Variants in EPHA6 observed in about 807,000 individuals in gnomAD.
The protein encoded by EPHA6 is ephrin type-A receptor 6.
Under a neutral mutation model 112.0 loss-of-function variants are expected in EPHA6, and 50 were observed. That is an observed-to-expected ratio of 0.45 (90% CI 0.36 to 0.56). EPHA6 has a LOEUF of 0.56. Among genes scored for constraint, EPHA6 ranks in the 20% least tolerant of loss-of-function variants. The probability of loss-of-function intolerance (pLI) is 0.00; values close to 1 mark genes in which losing one functional copy is unlikely to be tolerated. For synonymous variants in EPHA6, 529 were observed against 490.7 expected (o/e 1.08, Z -1.03); for missense variants, 1,280 against 1,417.4 (o/e 0.90, Z 1.56).
At chr3:97,485,697 A>G (rs189936864) in intron 10 of EPHA6, among the ~76,000 whole-genome samples, 142 of 152,352 alleles carry the variant, frequency 9.3e-4, no homozygotes, top group Admixed American at 1.6e-3. Flanking sequence ...CAGCAGGCAT[A>G]ATTGAGAAGA....
chr3:96,957,511 A>G (rs1001450905), intron 2 of EPHA6, among the ~76,000 whole-genome samples: 5 of 152,230 alleles, frequency 3.3e-5, no homozygotes, highest in Admixed American at 1.3e-4. Flanking sequence ...TCAGAGACTC[A>G]GAGAATCTTG....
chr3:97,442,255 A>G (rs2090161348), intron 6 of EPHA6, among the ~76,000 whole-genome samples: 1 of 152,114 alleles, frequency 6.6e-6, no homozygotes, highest in African/African-American at 2.4e-5. Flanking sequence ...GTTGGTAACT[A>G]TTCAGGAATT....
intron 3 of EPHA6, among the ~76,000 whole-genome samples, chr3:96,997,088 G>A (rs899107436): frequency 1.3e-5 from 2 of 151,990 alleles, no homozygotes; most frequent in African/African-American, 4.8e-5. Flanking sequence ...ACCAACTGCT[G>A]TTGGCTTCCA....
At chr3:96,983,323 G>T in intron 2 of EPHA6, among the ~76,000 whole-genome samples, 1 of 152,100 alleles carries the variant, frequency 6.6e-6, no homozygotes, top group East Asian at 1.9e-4. Context: ...GCTTAGTTTG[G>T]CTGGATATGA....
intron 5 of EPHA6, among the ~76,000 whole-genome samples, chr3:97,262,594 C>T (rs189834844): frequency 2.0e-5 from 3 of 152,298 alleles, no homozygotes; most frequent in Admixed American, 1.3e-4. Context: ...ATTTCTGCCA[C>T]AAGACTTTTT....
chr3:97,477,927 G>C (rs1007899120), intron 8 of EPHA6, among the ~76,000 whole-genome samples: 2 of 152,060 alleles, frequency 1.3e-5, no homozygotes, highest in Non-Finnish European at 2.9e-5. Context: ...AAATAGGTAT[G>C]ATGGTTGATT....
At chr3:97,042,111 C>T (rs1340213618) in intron 3 of EPHA6, among the ~76,000 whole-genome samples, 1 of 152,070 alleles carries the variant, frequency 6.6e-6, no homozygotes, top group African/African-American at 2.4e-5. Flanking sequence ...TTTGTCTCCG[C>T]CCAAATCTTA....
At chr3:97,406,266 A>G (rs1311755731) in intron 6 of EPHA6, among the ~76,000 whole-genome samples, 1 of 152,148 alleles carries the variant, frequency 6.6e-6, no homozygotes, top group Non-Finnish European at 1.5e-5. Flanking sequence ...GTAATTTATA[A>G]TAAACAGAAA....
chr3:97,506,349 T>A (rs746175934), intron 10 of EPHA6, among the ~76,000 whole-genome samples: 14 of 152,224 alleles, frequency 9.2e-5, no homozygotes, highest in Non-Finnish European at 1.8e-4. Flanking sequence ...CATCTTGAGT[T>A]AATTTTTGTA....
intron 5 of EPHA6, among the ~76,000 whole-genome samples, chr3:97,354,823 C>G (rs2083986411): frequency 6.6e-6 from 1 of 152,022 alleles, no homozygotes; most frequent in Non-Finnish European, 1.5e-5. Context: ...ATCCAACTCC[C>G]AAAGGTTGAG....
intron 5 of EPHA6, among the ~76,000 whole-genome samples, chr3:97,297,365 T>C (rs1055854215): frequency 1.3e-5 from 2 of 152,202 alleles, no homozygotes; most frequent in African/African-American, 4.8e-5. Context: ...TGATTGTTCT[T>C]TATGGAAAAG....
chr3:97,032,963 T>A (rs1417312991), intron 3 of EPHA6, among the ~76,000 whole-genome samples: 1 of 151,788 alleles, frequency 6.6e-6, no homozygotes, highest in Non-Finnish European at 1.5e-5. Context: ...GCCAAAATCA[T>A]GTCACAATGC....
chr3:97,281,245 G>A lies in EPHA6; in HGVS notation c.1606+36958G>A, dbSNP rs188382972. Among the ~76,000 whole-genome samples the A allele has an allele frequency of 1.8e-4, 27 of 151,742 alleles. No individual in the cohort carries two copies. In the East Asian group the frequency reaches 5.2e-3, roughly 29 times the overall value. ...TGTGTGTGTGCGCGCGTGTGTGCAT[G>A]AGCATGTGTGTGTGTGGTGTTTTAA... is the stretch of plus-strand genomic sequence containing the variant. On this transcript the variant is annotated intron_variant, in intron 5 of 17. Transcript: ENST00000389672.
intron 3 of EPHA6, among the ~76,000 whole-genome samples, chr3:97,112,993 G>A (rs1016064016): frequency 6.6e-6 from 1 of 151,980 alleles, no homozygotes; most frequent in African/African-American, 2.4e-5. Flanking sequence ...CTAATTTATT[G>A]TCCTTATACT....
intron 5 of EPHA6, among the ~76,000 whole-genome samples, chr3:97,327,955 CTGTG>C (rs1194723294): frequency 1.0e-5 from 1 of 95,660 alleles, no homozygotes; most frequent in Non-Finnish European, 1.6e-5. Context: ...GTATATGTAT[CTGTG>C]TGTATATATA....
intron 14 of EPHA6, among the ~76,000 whole-genome samples, chr3:97,664,565 G>C (rs2094192771): frequency 6.6e-6 from 1 of 152,148 alleles, no homozygotes; most frequent in African/African-American, 2.4e-5. Flanking sequence ...TGTATATCTA[G>C]AAAACCCCAT....
rs773712479 is a variant in EPHA6, at chr3:97,748,712, A to G, written c.*11A>G. ...GGATTTCATGTATGAAAGTACCACA[A>G]GCACCTGTGTTTTGTGCCTCAGCAT... On this transcript the variant is annotated 3_prime_UTR_variant, in exon 18 of 18. Coordinates refer to ENST00000389672, the MANE Select transcript of EPHA6 (RefSeq NM_001080448.3). The G allele has an allele frequency of 7.1e-7, 1 of 1,414,574 alleles. No individual in the cohort carries two copies. The highest frequency in any genetic ancestry group is 1.0e-6 in the Non-Finnish European group (1 of 999,432). 87.6% of individuals were successfully genotyped at this position (1,414,574 alleles called of 1,614,324 possible).
At chr3:97,210,074 A>G (rs2077825775) in intron 3 of EPHA6, among the ~76,000 whole-genome samples, 2 of 152,196 alleles carry the variant, frequency 1.3e-5, no homozygotes, top group African/African-American at 4.8e-5. Context: ...ACAATTAGCT[A>G]AAACTGTATA....
At chr3:97,270,152 T>C (rs1266686814) in intron 5 of EPHA6, among the ~76,000 whole-genome samples, 2 of 152,170 alleles carry the variant, frequency 1.3e-5, no homozygotes, top group African/African-American at 4.8e-5. Flanking sequence ...TTTTAAAATG[T>C]CAATATTTAG....
Sources: gnomAD v4.1 joint callset for allele counts (sites outside exome capture counted in the v4.1 genomes callset) on GRCh38, gnomAD v4.1.1 for gene constraint, MANE v1.5 for transcripts, NCBI Gene and HGNC (gene_info 2026-07-23, HGNC 2026-07-21) for gene names.